Variants in GOLGA5 observed in about 807,000 individuals in gnomAD.
GOLGA5 encodes golgin subfamily A member 5.
GOLGA5 carries 50 observed loss-of-function variants against 93.5 expected under a neutral mutation model. That is an observed-to-expected ratio of 0.53 (90% CI 0.43 to 0.68). The LOEUF (loss-of-function observed/expected upper bound fraction) is 0.68, where lower values mean the gene tolerates loss of function less well. Among genes scored for constraint, GOLGA5 ranks in the 30% least tolerant of loss-of-function variants. The pLI is 0.00. For synonymous variants in GOLGA5, 312 were observed against 304.5 expected (o/e 1.02, Z -0.26); for missense variants, 760 against 856.4 (o/e 0.89, Z 1.40).
At chr14:92,816,113 G>A (rs1885198720) in intron 6 of GOLGA5, 138 bp from the exon 7 acceptor site, 3 of 617,488 alleles carry the variant, frequency 4.9e-6, no homozygotes, top group South Asian at 4.0e-5. Flanking sequence ...TATCCTTAGG[G>A]ATTTAAGAAA....
rs779569127 is a variant in GOLGA5 at position 92,809,480 on chromosome 14, G to A, written c.953G>A (p.Arg318His). The change falls in exon 4 of 13, where the codon CGC (arginine) becomes CAC (histidine). Residue 318 changes from arginine to histidine, a missense_variant. Coordinates refer to ENST00000163416, the MANE Select transcript of GOLGA5 (RefSeq NM_005113.4). ...LQEADQLLST[R>H]TEALEALQSE... ...GAAGCTGACCAGCTACTGAGTACTC[G>A]CACAGAAGCATTAGAAGCCTTACAG... 2.9e-5 allele frequency: 46 copies of A among 1,613,316 alleles called. No homozygotes were observed. Among genetic ancestry groups the A allele is most frequent in the Non-Finnish European group, 3.9e-5 (46 of 1,179,372 alleles).
At chr14:92,820,582 G>A (rs1195488393) in intron 8 of GOLGA5, among the ~76,000 whole-genome samples, 1 of 152,180 alleles carries the variant, frequency 6.6e-6, no homozygotes, top group Non-Finnish European at 1.5e-5. Context: ...GCTGGGGGAC[G>A]GTCAGGTCTT....
At chr14:92,798,990 AG>A (rs1282503103) in intron 2 of GOLGA5, among the ~76,000 whole-genome samples, 6 of 152,174 alleles carry the variant, frequency 3.9e-5, no homozygotes, top group African/African-American at 1.4e-4. Flanking sequence ...GTTTTGAGAC[AG>A]GGTCTTGCTC....
chr14:92,830,403 T>A (rs1182491458), intron 9 of GOLGA5, among the ~76,000 whole-genome samples: 4 of 64,396 alleles, frequency 6.2e-5, no homozygotes. Flanking sequence ...TTTTTGTGAC[T>A]GGTATTTTTT....
intron 2 of GOLGA5, among the ~76,000 whole-genome samples, chr14:92,803,618 A>G (rs1327241688): frequency 6.6e-6 from 1 of 152,162 alleles, no homozygotes; most frequent in Non-Finnish European, 1.5e-5. Context: ...TTTTTTCCCC[A>G]AGAATTTGTC....
intron 3 of GOLGA5, among the ~76,000 whole-genome samples, chr14:92,807,411 T>C (rs1885012362): frequency 6.6e-6 from 1 of 152,216 alleles, no homozygotes; most frequent in Non-Finnish European, 1.5e-5. Flanking sequence ...TAAAATGATA[T>C]TTTCATAGAA....
At chr14:92,806,483 T>C (rs1884988522) in intron 2 of GOLGA5, among the ~76,000 whole-genome samples, 1 of 152,140 alleles carries the variant, frequency 6.6e-6, no homozygotes, top group African/African-American at 2.4e-5. Context: ...TGGCTAATTT[T>C]TGTATTTTTG....
chr14:92,817,368 T>C (rs983805125), intron 7 of GOLGA5, among the ~76,000 whole-genome samples: 2 of 152,222 alleles, frequency 1.3e-5, no homozygotes, highest in Non-Finnish European at 2.9e-5. Flanking sequence ...TTCATAATTA[T>C]AGATCTTACA....
chr14:92,806,189 T>C (rs954394335), intron 2 of GOLGA5, among the ~76,000 whole-genome samples: 1 of 152,218 alleles, frequency 6.6e-6, no homozygotes, highest in African/African-American at 2.4e-5. Context: ...CTCCCCAGAA[T>C]GGTGTTGTAC....
intron 6 of GOLGA5, among the ~76,000 whole-genome samples, chr14:92,813,359 T>G (rs1283302959): frequency 6.6e-6 from 1 of 152,222 alleles, no homozygotes; most frequent in Non-Finnish European, 1.5e-5. Flanking sequence ...ATAAGGTTAT[T>G]AATGCAGTAC....
intron 6 of GOLGA5, among the ~76,000 whole-genome samples, chr14:92,815,927 G>A (rs1006520260): frequency 2.0e-5 from 3 of 151,402 alleles, no homozygotes; most frequent in Non-Finnish European, 4.4e-5. Flanking sequence ...GGATGGTCTC[G>A]ACCTCCTGAC....
rs148390027 is a variant in GOLGA5, at chr14:92,811,200, C to T, written c.1117-351C>T. Among the ~76,000 whole-genome samples the T allele has an allele frequency of 7.2e-5, 11 of 152,294 alleles. No individual in the cohort carries two copies. In the East Asian group the frequency reaches 1.5e-3, roughly 21 times the overall value. ...TATTAAATTGGAAACAGTTGATCAG[C>T]TAGTATCAGACCAGACCTAGTATCC... is the stretch of plus-strand genomic sequence containing the variant. On this transcript the variant is annotated intron_variant, in intron 5 of 12. Transcript: ENST00000163416.
chr14:92,827,748 T>G, intron 9 of GOLGA5, among the ~76,000 whole-genome samples: 1 of 152,204 alleles, frequency 6.6e-6, no homozygotes, highest in Non-Finnish European at 1.5e-5. Context: ...GGAAAAGTTC[T>G]TGAAGGAAAT....
At chr14:92,837,556 T>A in intron 12 of GOLGA5, 107 bp downstream of exon 12, 1 of 666,244 alleles carries the variant, frequency 1.5e-6, no homozygotes, top group Non-Finnish European at 2.7e-6. Context: ...ATTTTAGCAA[T>A]CAATCAATTT....
intron 5 of GOLGA5, among the ~76,000 whole-genome samples, chr14:92,811,314 C>G (rs892953646): frequency 1.3e-5 from 2 of 152,072 alleles, no homozygotes; most frequent in African/African-American, 2.4e-5. Flanking sequence ...TGGGAAAGGC[C>G]TTGGATGGCT....
Position 92,836,967 on chromosome 14 carries a change from AGGCTGAAGCTGGAGAATT to A in GOLGA5, c.2052-417_2052-400del, listed in dbSNP as rs1046562501. Among the ~76,000 whole-genome samples the A allele has an allele frequency of 1.6e-3, 238 of 152,116 alleles. 1 individual carries two copies. Among genetic ancestry groups the A allele is most frequent in the African/African-American group, 5.4e-3 (226 of 41,502 alleles). The stretch of plus-strand genomic sequence containing the variant: ...GCACCTGTAATCCCAGCTACTCGGG[AGGCTGAAGCTGGAGAATT>A]GCTTGAACCCAGGAAGCAGAGGTTG... On this transcript the variant is annotated intron_variant, in intron 11 of 12. Transcript: ENST00000163416.
intron 9 of GOLGA5, among the ~76,000 whole-genome samples, chr14:92,828,820 C>T (rs922636735): frequency 6.6e-6 from 1 of 151,798 alleles, no homozygotes; most frequent in African/African-American, 2.4e-5. Flanking sequence ...AGGTGCATGC[C>T]AGCACACTGG....
At position 92,816,429 on chromosome 14, in the gene GOLGA5, T is replaced by C. The variant is rs749885448; in HGVS notation, c.1491+8T>C. ...CTCAGATCCGAATTACAGGTAAGAT[T>C]CATGGTGGTTCAGCTTAGTAGACAC... On this transcript the variant is annotated splice_region_variant and intron_variant, in intron 7 of 12. Transcript: ENST00000163416. The C allele has an allele frequency of 2.5e-6, 4 of 1,612,552 alleles. No individual in the cohort carries two copies. The highest frequency in any genetic ancestry group is 3.4e-6 in the Non-Finnish European group (4 of 1,178,778).
intron 2 of GOLGA5, among the ~76,000 whole-genome samples, chr14:92,800,043 GT>G (rs1884835602): frequency 6.6e-6 from 1 of 152,190 alleles, no homozygotes; most frequent in South Asian, 2.1e-4. Context: ...AGAAGAAGAC[GT>G]TTTGGGTTGT....
Sources: allele counts gnomAD v4.1 joint callset (sites outside exome capture counted in the v4.1 genomes callset), GRCh38; gene constraint gnomAD v4.1.1; transcripts MANE v1.5; gene names NCBI Gene and HGNC (gene_info 2026-07-23, HGNC 2026-07-21).